Variants in LMCD1 observed in about 807,000 individuals in gnomAD.
LMCD1 encodes the protein LIM and cysteine-rich domains protein 1.
A neutral mutation model predicts 42.7 loss-of-function variants in LMCD1; 32 were observed. The ratio of observed to expected loss-of-function variants is 0.75; its 90% confidence interval spans 0.57 to 1.01. The LOEUF (loss-of-function observed/expected upper bound fraction) is 1.01. Ranked by LOEUF, LMCD1 falls within the 50% of genes least tolerant of loss-of-function variation. LMCD1 has a pLI of 0.00. For synonymous variants in LMCD1, 178 were observed against 184.9 expected (o/e 0.96, Z 0.30); for missense variants, 458 against 483.1 (o/e 0.95, Z 0.49).
At chr3:8,530,292 A>G (rs1248358701) in intron 1 of LMCD1, among the ~76,000 whole-genome samples, 1 of 152,208 alleles carries the variant, frequency 6.6e-6, no homozygotes, top group Non-Finnish European at 1.5e-5. Flanking sequence ...TTTTCAGAAG[A>G]GATGCTTTAG....
intron 1 of LMCD1, among the ~76,000 whole-genome samples, chr3:8,517,600 C>G (rs750867264): frequency 6.6e-6 from 1 of 152,072 alleles, no homozygotes; most frequent in Non-Finnish European, 1.5e-5. Context: ...CAGCATCTTT[C>G]TCTCATTTCA....
intron 3 of LMCD1, among the ~76,000 whole-genome samples, chr3:8,544,143 C>G (rs184464118): frequency 9.7e-4 from 147 of 152,274 alleles, no homozygotes; most frequent in African/African-American, 3.4e-3. Context: ...TTGCTCTTCT[C>G]TCTCTCTTGG....
At chr3:8,567,125 C>G (rs577491451) in intron 5 of LMCD1, among the ~76,000 whole-genome samples, 1 of 152,286 alleles carries the variant, frequency 6.6e-6, no homozygotes, top group Non-Finnish European at 1.5e-5. Context: ...GCTTTCTTCA[C>G]CAGGGTGTGT....
Position 8,569,364 on chromosome 3 carries a change from C to T in LMCD1, c.*1766C>T, listed in dbSNP as rs1695178645. 1 of 152,228 alleles carries T rather than the reference C, an allele frequency of 6.6e-6. No homozygotes were observed. The highest frequency in any genetic ancestry group is 1.5e-5 in the Non-Finnish European group (1 of 68,054). The allele number at this position is 152,228 out of a possible 1,614,324, so 9.4% of individuals were successfully genotyped here. ...GGTGCTTCTCAAGCATAACCTGCTTCTCTGGCACTTTCCTGAAGCACCAGT... is the reference window on the plus strand; with the variant it reads ...GGTGCTTCTCAAGCATAACCTGCTTTTCTGGCACTTTCCTGAAGCACCAGT... On this transcript the variant is annotated 3_prime_UTR_variant, in exon 6 of 6. Transcript: ENST00000157600.
intron 3 of LMCD1, among the ~76,000 whole-genome samples, chr3:8,544,255 G>T (rs1179035904): frequency 2.0e-5 from 3 of 152,142 alleles, no homozygotes; most frequent in African/African-American, 7.2e-5. Context: ...GGAAACTGAG[G>T]CCCAGGAGAT....
chr3:8,526,697 T>C (rs1694309109), intron 1 of LMCD1, among the ~76,000 whole-genome samples: 1 of 152,236 alleles, frequency 6.6e-6, no homozygotes, highest in Admixed American at 6.5e-5. Context: ...GCTGCTGTGC[T>C]GCTGCTTAGA....
At chr3:8,526,129 G>A (rs1409492372) in intron 1 of LMCD1, among the ~76,000 whole-genome samples, 1 of 152,152 alleles carries the variant, frequency 6.6e-6, no homozygotes, top group Non-Finnish European at 1.5e-5. Context: ...AATTTAAGGA[G>A]CACTCCCCTC....
Position 8,537,203 on chromosome 3 carries a change from C to A in LMCD1, c.150C>A (p.Cys50Ter). 6.2e-7 allele frequency: 1 copy of A among 1,613,980 alleles called. No homozygotes were observed. The highest frequency in any genetic ancestry group is 8.5e-7 in the Non-Finnish European group (1 of 1,179,922). Reference protein sequence around the residue: ...PHSWRKICKSCKCSQEDHCLT... With the variant: ...PHSWRKICKS Reference sequence around the variant, plus strand: ...CCCCCAGGAAAATATGCAAGTCTTGCAAATGCAGCCAAGAGGACCACTGCC... The same window carrying A: ...CCCCCAGGAAAATATGCAAGTCTTGAAAATGCAGCCAAGAGGACCACTGCC... Residue 50 changes from cysteine to a stop codon, truncating the protein, a stop_gained, in exon 3 of 6, where the codon TGC becomes TGA. Coordinates refer to ENST00000157600, the MANE Select transcript of LMCD1 (RefSeq NM_014583.4). LOFTEE classifies it high-confidence loss of function.
Position 8,535,452 on chromosome 3 carries a change from A to C in LMCD1, c.132-1733A>C, listed in dbSNP as rs535583901. On this transcript the variant is annotated intron_variant, in intron 2 of 5. Transcript: ENST00000157600. ...ACATCTCTCAAATTGCAGCCCACTG[A>C]ATGTGAACTTGTACTGCAAGCTTCT... 1.6e-3 allele frequency among the ~76,000 whole-genome samples: 250 copies of C among 152,298 alleles called. 2 individuals are homozygous for C. In the Middle Eastern group the frequency reaches 0.045, roughly 27 times the overall value.
Position 8,532,782 on chromosome 3 carries a change from G to C in LMCD1, c.88G>C (p.Gly30Arg). The C allele has an allele frequency of 6.2e-7, 1 of 1,613,778 alleles. No homozygotes were observed. ...GTCAGCAAGAGGTGTGGCATGTTTG[G>C]GATGCAAGGGGACGTGTTCGGGCTT... is the stretch of plus-strand genomic sequence containing the variant. ...LQSARGVACL[G>R]CKGTCSGFEP... Residue 30 changes from glycine to arginine, a missense_variant, in exon 2 of 6, where the codon GGA becomes CGA. Gly to Arg is a moderately radical substitution (Grantham distance 125, BLOSUM62 -2). Coordinates refer to ENST00000157600, the MANE Select transcript of LMCD1 (RefSeq NM_014583.4).
chr3:8,537,320 C>T lies in LMCD1; in HGVS notation c.267C>T (p.Asp89=), dbSNP rs200446111. The T allele has an allele frequency of 6.9e-5, 112 of 1,614,004 alleles. 1 individual carries two copies. Among genetic ancestry groups the T allele is most frequent in the East Asian group, 4.5e-4 (20 of 44,878 alleles). The change falls in exon 3 of 6, where the codon GAC becomes GAT. Residue 89 remains aspartate, a synonymous_variant. Transcript: ENST00000157600. ...TCACTGCTCGGGTGAAAGGCGGGGA[C>T]GGCATCCGGATTTACAAGAGGAACC... ...STLTARVKGG[D]GIRIYKRNRM...
intron 1 of LMCD1, among the ~76,000 whole-genome samples, chr3:8,517,645 G>A (rs1388604367): frequency 6.6e-6 from 1 of 152,184 alleles, no homozygotes; most frequent in African/African-American, 2.4e-5. Context: ...CAAGGAGGAA[G>A]TCTCCTTCTG....
intron 4 of LMCD1, among the ~76,000 whole-genome samples, chr3:8,564,992 T>C (rs1291301330): frequency 6.6e-6 from 1 of 152,234 alleles, no homozygotes; most frequent in Non-Finnish European, 1.5e-5. Context: ...TTTTTTGTTT[T>C]GAAACATATA....
At chr3:8,515,177 A>G (rs111594111) in intron 1 of LMCD1, among the ~76,000 whole-genome samples, 224 of 152,332 alleles carry the variant, frequency 1.5e-3, no homozygotes, top group African/African-American at 5.2e-3. Flanking sequence ...AGCTGCCACC[A>G]GGACCCTTTC....
At chr3:8,561,321 AAAC>A (rs1195228703) in intron 4 of LMCD1, among the ~76,000 whole-genome samples, 5 of 152,184 alleles carry the variant, frequency 3.3e-5, no homozygotes, top group African/African-American at 1.2e-4. Flanking sequence ...ACAAGAGAGA[AAAC>A]AACTTTCCAT....
chr3:8,518,447 G>A (rs894617647), intron 1 of LMCD1, among the ~76,000 whole-genome samples: 4 of 152,216 alleles, frequency 2.6e-5, no homozygotes, highest in Non-Finnish European at 5.9e-5. Context: ...CCTGCCTTCT[G>A]AGTATACCAC....
chr3:8,548,686 C>A lies in LMCD1; in HGVS notation c.506C>A (p.Ser169Ter). 6.2e-7 allele frequency: 1 copy of A among 1,614,186 alleles called. No individual in the cohort carries two copies. The highest frequency in any genetic ancestry group is 8.5e-7 in the Non-Finnish European group (1 of 1,180,042). ...CTCCCCATCTATGACCAGGATCCCT[C>A]GCGCTGCCGTGGACTTTTGGAGAAT... The part of the protein sequence containing the change: ...HQLPIYDQDP[S>*]RCRGLLENEL... Residue 169 changes from serine to a stop codon, truncating the protein, a stop_gained, in exon 4 of 6, where the codon TCG (serine) becomes TAG (stop). Coordinates refer to ENST00000157600, the MANE Select transcript of LMCD1 (RefSeq NM_014583.4). LOFTEE classifies it high-confidence loss of function.
intron 4 of LMCD1, among the ~76,000 whole-genome samples, chr3:8,553,109 C>G (rs1337475458): frequency 6.6e-6 from 1 of 152,174 alleles, no homozygotes; most frequent in Non-Finnish European, 1.5e-5. Flanking sequence ...CAGAATCTAC[C>G]ACACTATGCT....
At chr3:8,511,966 G>A (rs1431509017) in intron 1 of LMCD1, among the ~76,000 whole-genome samples, 1 of 151,890 alleles carries the variant, frequency 6.6e-6, no homozygotes, top group Non-Finnish European at 1.5e-5. Flanking sequence ...TTTGACAGCA[G>A]GAAAAAAAGG....
Sources: allele counts gnomAD v4.1 joint callset (sites outside exome capture counted in the v4.1 genomes callset), GRCh38; gene constraint gnomAD v4.1.1; transcripts MANE v1.5; gene names NCBI Gene and HGNC (gene_info 2026-07-23, HGNC 2026-07-21).